CDKAL1: variants seen among roughly 807,000 people sequenced by gnomAD.
The protein encoded by CDKAL1 is threonylcarbamoyladenosine tRNA methylthiotransferase.
In CDKAL1, 32 loss-of-function variants were observed where a neutral mutation model predicts 68.2. The ratio of observed to expected loss-of-function variants is 0.47; its 90% CI spans 0.35 to 0.63. The LOEUF (loss-of-function observed/expected upper bound fraction) is 0.63. CDKAL1 is among the 30% of genes least tolerant of loss of function. The pLI, the probability that CDKAL1 is intolerant of heterozygous loss-of-function variation, is 0.00. For synonymous variants in CDKAL1, 234 were observed against 244.3 expected, an observed-to-expected ratio of 0.96 and a Z score of 0.39; for missense variants, 606 against 696.7, an observed-to-expected ratio of 0.87 and a Z score of 1.47.
At chr6:21,183,675 T>C (rs116757566) in intron 13 of CDKAL1, among the ~76,000 whole-genome samples, 212 of 152,286 alleles carry the variant, frequency 1.4e-3, no homozygotes, top group African/African-American at 5.0e-3. Flanking sequence ...TAGTTAAATA[T>C]AGACCATCCT....
chr6:20,555,396 C>T (rs996189500), intron 4 of CDKAL1, among the ~76,000 whole-genome samples: 1 of 152,100 alleles, frequency 6.6e-6, no homozygotes, highest in Non-Finnish European at 1.5e-5. Context: ...TCTGGGCTTA[C>T]TGTATCCTCC....
chr6:20,565,456 A>G (rs1246156469), intron 4 of CDKAL1, among the ~76,000 whole-genome samples: 1 of 152,102 alleles, frequency 6.6e-6, no homozygotes, highest in Non-Finnish European at 1.5e-5. Context: ...CTCTGAAATG[A>G]CTGTCTCAGT....
intron 4 of CDKAL1, among the ~76,000 whole-genome samples, chr6:20,616,311 T>C (rs1766896572): frequency 6.6e-6 from 1 of 150,522 alleles, no homozygotes. Context: ...TTTCCAATTC[T>C]GTGAAGAAAG....
At chr6:20,670,951 T>C (rs1769784636) in intron 5 of CDKAL1, among the ~76,000 whole-genome samples, 1 of 152,246 alleles carries the variant, frequency 6.6e-6, no homozygotes, top group Non-Finnish European at 1.5e-5. Context: ...TGAGGTTGTC[T>C]GATATTTCAC....
intron 5 of CDKAL1, among the ~76,000 whole-genome samples, chr6:20,718,291 A>C (rs1772188119): frequency 6.6e-6 from 1 of 152,202 alleles, no homozygotes; most frequent in South Asian, 2.1e-4. Context: ...CTTATGATGC[A>C]TGTGAAAATT....
At chr6:20,824,515 T>G (rs1282654638) in intron 8 of CDKAL1, among the ~76,000 whole-genome samples, 1 of 152,100 alleles carries the variant, frequency 6.6e-6, no homozygotes, top group East Asian at 1.9e-4. Context: ...GGCTATTGGA[T>G]TATGGGCCTC....
intron 4 of CDKAL1, among the ~76,000 whole-genome samples, chr6:20,584,025 T>C (rs962011080): frequency 1.3e-5 from 2 of 150,268 alleles, no homozygotes; most frequent in African/African-American, 4.9e-5. Flanking sequence ...TCAGCTATGC[T>C]GGCAATATTC....
chr6:21,051,668 C>CT (rs1561990906), intron 11 of CDKAL1, among the ~76,000 whole-genome samples: 1 of 152,094 alleles, frequency 6.6e-6, no homozygotes, highest in Non-Finnish European at 1.5e-5. Context: ...AACATATTGC[C>CT]TGGCACTTTT....
intron 4 of CDKAL1, among the ~76,000 whole-genome samples, chr6:20,640,968 G>A (rs965865468): frequency 2.3e-4 from 35 of 152,250 alleles, no homozygotes; most frequent in African/African-American, 7.7e-4. Context: ...AGCTATTATC[G>A]TTATTACTAA....
intron 11 of CDKAL1, among the ~76,000 whole-genome samples, chr6:21,048,722 A>G (rs1400488720): frequency 6.6e-6 from 1 of 152,048 alleles, no homozygotes; most frequent in African/African-American, 2.4e-5. Context: ...TAATTTTATA[A>G]ATTATTCTTC....
chr6:20,558,615 A>G (rs1007864807), intron 4 of CDKAL1: 26 of 456,356 alleles, frequency 5.7e-5, no homozygotes, highest in Non-Finnish European at 8.8e-5. Context: ...TCACTTTGTA[A>G]TCTAAGAAGG....
Position 20,807,259 on chromosome 6 carries a change from G to A in CDKAL1, c.638+25994G>A, listed in dbSNP as rs377107093. 1.7e-4 allele frequency among the ~76,000 whole-genome samples: 25 copies of A among 151,262 alleles called. 1 individual carries two copies. The highest frequency in any genetic ancestry group is 5.6e-4 in the African/African-American group (23 of 41,156). ...TTTTTTTGAGACGGAGTCTCGCTGT[G>A]TTGCCCCAGGCTGGAGTGCAGTGGC... On this transcript the variant is annotated intron_variant, in intron 8 of 15. Coordinates refer to ENST00000274695, the MANE Select transcript of CDKAL1 (RefSeq NM_017774.3).
chr6:20,974,093 A>G (rs983529779), intron 10 of CDKAL1, among the ~76,000 whole-genome samples: 5 of 152,194 alleles, frequency 3.3e-5, no homozygotes, highest in African/African-American at 7.2e-5. Context: ...CAGTCCACAG[A>G]TGGGTGGTCC....
At chr6:20,668,263 C>T (rs77567128) in intron 5 of CDKAL1, among the ~76,000 whole-genome samples, 9,854 of 152,070 alleles carry the variant, frequency 0.065, 1,022 homozygotes, top group African/African-American at 0.22. Context: ...AGTCACCTCT[C>T]GACTTTTTTG....
chr6:20,851,983 T>C (rs1308647543), intron 9 of CDKAL1, among the ~76,000 whole-genome samples: 1 of 152,170 alleles, frequency 6.6e-6, no homozygotes, highest in African/African-American at 2.4e-5. Flanking sequence ...TCTGTTGATT[T>C]ATATGGCAGT....
chr6:20,678,088 G>GT (rs1476021770), intron 5 of CDKAL1, among the ~76,000 whole-genome samples: 76 of 116,650 alleles, frequency 6.5e-4, no homozygotes, highest in African/African-American at 3.0e-3. Flanking sequence ...TAAGATCTGT[G>GT]TTGTTTTTTT....
At chr6:20,951,734 A>T (rs1176282947) in intron 9 of CDKAL1, among the ~76,000 whole-genome samples, 2 of 152,186 alleles carry the variant, frequency 1.3e-5, no homozygotes, top group Non-Finnish European at 2.9e-5. Flanking sequence ...GGGTAGACTG[A>T]ACAATTTTTG....
intron 8 of CDKAL1, among the ~76,000 whole-genome samples, chr6:20,819,133 A>G (rs1324559607): frequency 6.6e-6 from 1 of 152,042 alleles, no homozygotes; most frequent in African/African-American, 2.4e-5. Flanking sequence ...CCCCTTCCAC[A>G]TAGTTAGCAT....
intron 5 of CDKAL1, among the ~76,000 whole-genome samples, chr6:20,713,302 AG>A (rs1771934846): frequency 6.6e-6 from 1 of 152,202 alleles, no homozygotes; most frequent in Non-Finnish European, 1.5e-5. Flanking sequence ...CTAATGAATC[AG>A]GAGTGAGTTT....
Sources: gnomAD v4.1 joint callset for allele counts (sites outside exome capture counted in the v4.1 genomes callset) on GRCh38, gnomAD v4.1.1 for gene constraint, MANE v1.5 for transcripts, NCBI Gene and HGNC (gene_info 2026-07-23, HGNC 2026-07-21) for gene names.